Variants in FER1L6 observed in about 807,000 individuals in gnomAD.
FER1L6 encodes the protein fer-1 like family member 6.
FER1L6 carries 177 observed loss-of-function variants against 219.2 expected under a neutral mutation model. The observed-to-expected ratio is 0.81, with a 90% CI of 0.71 to 0.91. The LOEUF (loss-of-function observed/expected upper bound fraction) is 0.91. Ranked by LOEUF, FER1L6 falls within the 40% of genes least tolerant of loss-of-function variation. The probability of loss-of-function intolerance (pLI) is 0.00; values close to 1 mark genes in which losing one functional copy is unlikely to be tolerated. For synonymous variants in FER1L6, 768 were observed against 824.3 expected (o/e 0.93, Z 1.17); for missense variants, 2,153 against 2,259.9 (o/e 0.95, Z 0.96).
At chr8:123,863,552 A>C (rs1586426705) in intron 1 of FER1L6, among the ~76,000 whole-genome samples, 1 of 124,102 alleles carries the variant, frequency 8.1e-6, no homozygotes, top group Non-Finnish European at 1.7e-5. Context: ...TTTCTGTCTC[A>C]TTGATCTGTC....
intron 1 of FER1L6, among the ~76,000 whole-genome samples, chr8:123,891,339 C>G (rs1432394330): frequency 6.6e-6 from 1 of 151,848 alleles, no homozygotes; most frequent in African/African-American, 2.4e-5. Context: ...CTTACTTTGT[C>G]CTGTTTTGTC....
At chr8:123,912,883 G>C (rs1813080689) in intron 1 of FER1L6, among the ~76,000 whole-genome samples, 1 of 152,164 alleles carries the variant, frequency 6.6e-6, no homozygotes, top group African/African-American at 2.4e-5. Context: ...TGCCAACCAA[G>C]AGCAATACAG....
At chr8:124,101,587 G>A (rs1822550576) in intron 38 of FER1L6, among the ~76,000 whole-genome samples, 1 of 152,202 alleles carries the variant, frequency 6.6e-6, no homozygotes, top group Non-Finnish European at 1.5e-5. Context: ...TAAACTTTGA[G>A]CTAATTACTG....
At chr8:124,058,601 A>C (rs754336332) in intron 22 of FER1L6, among the ~76,000 whole-genome samples, 1 of 152,074 alleles carries the variant, frequency 6.6e-6, no homozygotes, top group Non-Finnish European at 1.5e-5. Context: ...ACAAAGCAAA[A>C]CTTCTTTGGC....
intron 1 of FER1L6, among the ~76,000 whole-genome samples, chr8:123,890,942 T>A (rs1232149310): frequency 6.6e-6 from 1 of 152,118 alleles, no homozygotes; most frequent in African/African-American, 2.4e-5. Flanking sequence ...ATCTTTTCCT[T>A]TAGGTAATGA....
At chr8:123,977,947 A>C (rs1816165985) in intron 10 of FER1L6, among the ~76,000 whole-genome samples, 3 of 152,280 alleles carry the variant, frequency 2.0e-5, no homozygotes, top group Admixed American at 6.5e-5. Context: ...CCTGCTGCTC[A>C]TCTCTTGCGG....
intron 22 of FER1L6, among the ~76,000 whole-genome samples, chr8:124,057,237 T>C (rs1451701731): frequency 6.6e-6 from 1 of 152,184 alleles, no homozygotes; most frequent in African/African-American, 2.4e-5. Flanking sequence ...TTGTTTTGTT[T>C]TGTTTGCCTG....
chr8:123,965,613 C>G (rs1011416285), intron 3 of FER1L6, among the ~76,000 whole-genome samples: 2 of 152,178 alleles, frequency 1.3e-5, no homozygotes, highest in South Asian at 2.1e-4. Context: ...TGGAATCAGG[C>G]AGGAGACTGG....
At position 124,116,816 on chromosome 8, in the gene FER1L6, A is replaced by T. The variant is rs113510023; in HGVS notation, c.5290-2028A>T. Among the ~76,000 whole-genome samples, 614 of 152,278 alleles carry T rather than the reference A, an allele frequency of 4.0e-3. 3 individuals are homozygous for T. The highest frequency in any genetic ancestry group is 0.011 in the African/African-American group (476 of 41,550). On this transcript the variant is annotated intron_variant, in intron 39 of 40. Transcript: ENST00000522917. ...CCTGTGAATGATCTCTGGAAATAAG[A>T]CTGTTTTGTACATTGGAGACCATTT...
intron 18 of FER1L6, among the ~76,000 whole-genome samples, chr8:124,027,238 G>A (rs1461715560): frequency 6.6e-6 from 1 of 152,084 alleles, no homozygotes; most frequent in Non-Finnish European, 1.5e-5. Flanking sequence ...AATTTTGTGG[G>A]ACCACAATTC....
intron 34 of FER1L6, among the ~76,000 whole-genome samples, chr8:124,092,674 A>G (rs976978867): frequency 3.9e-5 from 6 of 152,162 alleles, no homozygotes; most frequent in Non-Finnish European, 8.8e-5. Flanking sequence ...TAATTTATAA[A>G]GAAAAGGTGT....
rs576799905 is a variant in FER1L6, at chr8:124,120,048, C to A, written c.*258C>A. The A allele has an allele frequency of 3.1e-4, 116 of 371,372 alleles. No homozygotes were observed. The highest frequency in any genetic ancestry group is 2.4e-3 in the African/African-American group (114 of 48,300). The allele number at this position is 371,372 out of a possible 1,614,324, so 23.0% of individuals were successfully genotyped here. ...ACCTCATGGTAATCAACAATGACCT[C>A]AAATTGACTTAGATCAATGTTTTCT... On this transcript the variant is annotated 3_prime_UTR_variant, in exon 41 of 41. Transcript: ENST00000522917.
At chr8:123,962,771 G>T (rs973936882) in intron 2 of FER1L6, among the ~76,000 whole-genome samples, 1 of 152,124 alleles carries the variant, frequency 6.6e-6, no homozygotes, top group South Asian at 2.1e-4. Context: ...GGAATTACAG[G>T]TGTCTGCCAC....
At chr8:123,862,932 T>C (rs1816770923) in intron 1 of FER1L6, among the ~76,000 whole-genome samples, 1 of 146,836 alleles carries the variant, frequency 6.8e-6, no homozygotes, top group African/African-American at 2.7e-5. Context: ...AAAAACCAGC[T>C]CCTGGATTCA....
chr8:123,932,402 C>G (rs2129927573), intron 1 of FER1L6, among the ~76,000 whole-genome samples: 1 of 152,306 alleles, frequency 6.6e-6, no homozygotes, highest in Non-Finnish European at 1.5e-5. Context: ...AGCCACCGTG[C>G]CAGGCTCCGT....
At chr8:124,040,093 A>C in intron 20 of FER1L6, 87 bp downstream of exon 20, 1 of 1,540,632 alleles carries the variant, frequency 6.5e-7, no homozygotes, top group Non-Finnish European at 8.9e-7. Context: ...CAACGGGGGC[A>C]TGTTGCAAAT....
intron 12 of FER1L6, among the ~76,000 whole-genome samples, chr8:124,001,427 T>C (rs1563735348): frequency 6.6e-6 from 1 of 152,220 alleles, no homozygotes; most frequent in Admixed American, 6.5e-5. Context: ...CCTGCTTCTC[T>C]GCTCTCATGC....
At chr8:123,890,787 T>C (rs918977396) in intron 1 of FER1L6, among the ~76,000 whole-genome samples, 1 of 147,572 alleles carries the variant, frequency 6.8e-6, no homozygotes, top group Non-Finnish European at 1.5e-5. Flanking sequence ...TAAGTATCAA[T>C]TATTAAGACT....
intron 39 of FER1L6, among the ~76,000 whole-genome samples, chr8:124,112,836 A>G (rs1405143072): frequency 2.6e-5 from 4 of 152,212 alleles, no homozygotes; most frequent in Non-Finnish European, 4.4e-5. Flanking sequence ...AAGATCAGAC[A>G]AGAGCAGACA....
Sources: allele counts gnomAD v4.1 joint callset (sites outside exome capture counted in the v4.1 genomes callset), GRCh38; gene constraint gnomAD v4.1.1; transcripts MANE v1.5; gene names NCBI Gene and HGNC (gene_info 2026-07-23, HGNC 2026-07-21).